Variants in SYNE2 observed in about 807,000 individuals in gnomAD.
SYNE2 encodes the protein spectrin repeat containing nuclear envelope protein 2.
A neutral mutation model predicts 856.3 loss-of-function variants in SYNE2; 431 were observed. That is an observed-to-expected ratio of 0.50 (90% CI 0.47 to 0.55). The LOEUF (loss-of-function observed/expected upper bound fraction) is 0.55. SYNE2 is among the 20% of genes least tolerant of loss of function. SYNE2 has a pLI of 0.00. For synonymous variants in SYNE2, 2,923 were observed against 2,872.3 expected, an observed-to-expected ratio of 1.02 and a Z score of -0.56; for missense variants, 8,129 against 8,023.2, an observed-to-expected ratio of 1.01 and a Z score of -0.50.
intron 84 of SYNE2, among the ~76,000 whole-genome samples, chr14:64,147,955 T>C (rs1426178439): frequency 5.3e-5 from 8 of 152,204 alleles, no homozygotes; most frequent in Admixed American, 5.2e-4. Flanking sequence ...AGCCAATCCA[T>C]GGATCTTGAG....
intron 18 of SYNE2, among the ~76,000 whole-genome samples, chr14:63,984,444 G>A (rs2096609954): frequency 6.6e-6 from 1 of 152,174 alleles, no homozygotes. Context: ...TGTAAATTGA[G>A]TTGTTATTTT....
At chr14:64,102,096 C>G in intron 64 of SYNE2, 54 bp downstream of exon 64, 1 of 1,271,842 alleles carries the variant, frequency 7.9e-7, no homozygotes, top group Admixed American at 1.7e-5. Context: ...CAGGGGGGAG[C>G]AGGGATCTCT....
chr14:64,150,007 CTTTTTT>C (rs755126549), intron 84 of SYNE2, among the ~76,000 whole-genome samples: 8 of 94,408 alleles, frequency 8.5e-5, no homozygotes, highest in South Asian at 3.8e-4. Context: ...TTTTTCTTTT[CTTTTTT>C]TTTTTTTTTT....
chr14:63,994,863 C>A (rs993034789), intron 22 of SYNE2, among the ~76,000 whole-genome samples, 181 bp from the exon 23 acceptor site: 1 of 151,768 alleles, frequency 6.6e-6, no homozygotes, highest in African/African-American at 2.4e-5. Context: ...GAAAAAAAAA[C>A]CATGTTTATG....
At chr14:64,067,868 T>C (rs1287066785) in intron 51 of SYNE2, among the ~76,000 whole-genome samples, 2 of 152,190 alleles carry the variant, frequency 1.3e-5, no homozygotes, top group Non-Finnish European at 2.9e-5. Flanking sequence ...TAATTGGAGA[T>C]GTGAGGCCGG....
At chr14:63,804,910 A>G (rs978554226) in intron 1 of SYNE2, among the ~76,000 whole-genome samples, 1 of 152,130 alleles carries the variant, frequency 6.6e-6, no homozygotes, top group African/African-American at 2.4e-5. Flanking sequence ...TCTTGAGTTG[A>G]TTTTTGTGTA....
chr14:64,072,318 A>G (rs2097417869), intron 52 of SYNE2, among the ~76,000 whole-genome samples: 1 of 152,156 alleles, frequency 6.6e-6, no homozygotes, highest in Non-Finnish European at 1.5e-5. Flanking sequence ...AGCACTTCTG[A>G]CACCATGTTG....
chr14:63,831,201 G>A (rs1356213894), intron 1 of SYNE2, among the ~76,000 whole-genome samples: 1 of 152,020 alleles, frequency 6.6e-6, no homozygotes, highest in Non-Finnish European at 1.5e-5. Context: ...GAATCTTTGA[G>A]TGTTTTTTCA....
In SYNE2 at chr14:63,853,041, G is replaced by C. The variant is rs1415379051; in HGVS notation, c.-154G>C. 4 of 151,848 alleles carry C rather than the reference G, an allele frequency of 2.6e-5. No homozygotes were observed. The highest frequency in any genetic ancestry group is 4.4e-5 in the Non-Finnish European group (3 of 67,906). The allele number at this position is 151,848 out of a possible 1,614,324, so 9.4% of individuals were successfully genotyped here. A position where few individuals can be genotyped will look rare whatever the true frequency, so the allele number is the denominator to read the frequency against. On this transcript the variant is annotated 5_prime_UTR_variant, in exon 1 of 116. Coordinates refer to ENST00000555002, the MANE Select transcript of SYNE2 (RefSeq NM_182914.3). ...AGCCTTCGGCCGGACCTGAAAAAGCGAGAGGGAGAGCGAGCAAAAGGCGCG... is the reference window on the plus strand; with the variant it reads ...AGCCTTCGGCCGGACCTGAAAAAGCCAGAGGGAGAGCGAGCAAAAGGCGCG...
At chr14:63,809,915 A>G (rs186114455) in intron 1 of SYNE2, among the ~76,000 whole-genome samples, 1 of 152,180 alleles carries the variant, frequency 6.6e-6, no homozygotes, top group Non-Finnish European at 1.5e-5. Flanking sequence ...AAAAGAATCC[A>G]TTCTCTCTCC....
Position 64,173,967 on chromosome 14 carries a change from T to G in SYNE2, c.17236-977T>G, listed in dbSNP as rs377321555. The G allele has an allele frequency of 2.1e-4, 143 of 694,982 alleles. No homozygotes were observed. The East Asian group carries it at 3.5e-3, about 17-fold the overall frequency. 43.1% of individuals were successfully genotyped at this position (694,982 alleles called of 1,614,324 possible). ...AGGACCTTCGCTACTCTCTGCACAC[T>G]GCCTGCGGAGCGGCCCTGCTCTGCA... On this transcript the variant is annotated intron_variant, in intron 94 of 115. Transcript: ENST00000555002.
rs886050581 is a variant in SYNE2 at position 64,002,010 on chromosome 14, C to T, written c.3715C>T (p.Leu1239=). Residue 1239 remains leucine, a synonymous_variant, in exon 29 of 116, where the codon CTG becomes TTG. Transcript: ENST00000555002. ...ATCACTTCTTCTCTGTGGCTCGGAC[C>T]TGCCTCTCCATAAAATGGCCATCCA... ...KASLLLCGSD[L]PLHKMAIQGF... is the part of the protein sequence containing the mutation. The T allele has an allele frequency of 8.1e-6, 13 of 1,613,980 alleles. No homozygotes were observed. The highest frequency in any genetic ancestry group is 1.1e-5 in the Non-Finnish European group (13 of 1,179,870).
At chr14:64,144,460 G>T (rs2098164974) in intron 83 of SYNE2, among the ~76,000 whole-genome samples, 1 of 152,062 alleles carries the variant, frequency 6.6e-6, no homozygotes, top group Non-Finnish European at 1.5e-5. Flanking sequence ...CATACAAATG[G>T]ATTTACACAA....
At position 64,022,762 on chromosome 14, in the gene SYNE2, A is replaced by G; in HGVS notation, c.5536A>G (p.Asn1846Asp). 6.3e-7 allele frequency: 1 copy of G among 1,591,458 alleles called. No homozygotes were observed. Among genetic ancestry groups the G allele is most frequent in the South Asian group, 1.1e-5 (1 of 90,138 alleles). ...TTTTCCCCCTGCAGATCAATGCAAG[A>G]ACTTTAATGACTGGTTCAGCAACAT... The part of the protein sequence containing the change: ...FSKLLNDQCK[N>D]FNDWFSNIKV... The change falls in exon 38 of 116, where the codon AAC becomes GAC. Residue 1846 changes from asparagine to aspartate, a missense_variant. By Grantham distance (23) the Asn-to-Asp change is conservative. Coordinates refer to ENST00000555002, the MANE Select transcript of SYNE2 (RefSeq NM_182914.3).
intron 78 of SYNE2, 80 bp from the exon 79 acceptor site, chr14:64,137,707 G>A: frequency 6.9e-7 from 1 of 1,450,400 alleles, no homozygotes; most frequent in Non-Finnish European, 9.5e-7. Flanking sequence ...ACAAATGTCA[G>A]TTTTAAATGC....
At chr14:63,819,952 G>T in intron 1 of SYNE2, among the ~76,000 whole-genome samples, 1 of 151,816 alleles carries the variant, frequency 6.6e-6, no homozygotes, top group Admixed American at 6.6e-5. Flanking sequence ...GAATATTCTG[G>T]TAAAAGATTT....
intron 98 of SYNE2, among the ~76,000 whole-genome samples, chr14:64,189,475 C>A (rs1164884086): frequency 1.3e-5 from 2 of 152,198 alleles, no homozygotes; most frequent in Non-Finnish European, 2.9e-5. Flanking sequence ...CCCAGTCAAA[C>A]CTCTGGAAAA....
At chr14:64,006,284 A>G (rs2096795023) in intron 30 of SYNE2, among the ~76,000 whole-genome samples, 1 of 151,992 alleles carries the variant, frequency 6.6e-6, no homozygotes. Flanking sequence ...GAAATGAAAG[A>G]TTTCCTTTGT....
intron 6 of SYNE2, 82 bp from the exon 7 acceptor site, chr14:63,949,743 G>T: frequency 7.1e-7 from 1 of 1,398,794 alleles, no homozygotes. Flanking sequence ...TGCTTTTTAG[G>T]TCTCTATTTT....
Sources: allele counts gnomAD v4.1 joint callset (sites outside exome capture counted in the v4.1 genomes callset), GRCh38; gene constraint gnomAD v4.1.1; transcripts MANE v1.5; gene names NCBI Gene and HGNC (gene_info 2026-07-23, HGNC 2026-07-21).